The following KIAA0319 variants were observed in gnomAD, a reference collection of about 807,000 sequenced individuals.
The protein encoded by KIAA0319 is dyslexia-associated protein KIAA0319.
A neutral mutation model predicts 108.4 loss-of-function variants in KIAA0319; 83 were observed. The observed-to-expected ratio is 0.77, with a 90% CI of 0.64 to 0.92. The LOEUF (loss-of-function observed/expected upper bound fraction) is 0.92, where lower values mean the gene tolerates loss of function less well. KIAA0319 is among the 40% of genes least tolerant of loss of function. KIAA0319 has a pLI of 0.00. For synonymous variants in KIAA0319, 484 were observed against 510.4 expected (o/e 0.95, Z 0.70); for missense variants, 1,195 against 1,322.4 (o/e 0.90, Z 1.49).
intron 13 of KIAA0319, among the ~76,000 whole-genome samples, chr6:24,567,055 C>T (rs1763995149): frequency 6.6e-6 from 1 of 151,928 alleles, no homozygotes; most frequent in Admixed American, 6.6e-5. Flanking sequence ...ATGATTTTAC[C>T]AACATTTAGG....
At chr6:24,600,022 G>A (rs1221793344) in intron 2 of KIAA0319, among the ~76,000 whole-genome samples, 2 of 79,362 alleles carry the variant, frequency 2.5e-5, no homozygotes, top group African/African-American at 1.0e-4. Context: ...AGCTAGTTCT[G>A]CCAACTGCCC....
Position 24,595,885 on chromosome 6 carries a change from G to A in KIAA0319, c.789C>T (p.Ser263=), listed in dbSNP as rs576387336. 22 of 1,601,104 alleles carry A rather than the reference G, an allele frequency of 1.4e-5. No homozygotes were observed. The highest frequency in any genetic ancestry group is 1.9e-5 in the Non-Finnish European group (22 of 1,173,120). Residue 263 remains serine (S), a synonymous_variant, in exon 3 of 21, where the codon AGC becomes AGT. Coordinates refer to ENST00000378214, the MANE Select transcript of KIAA0319 (RefSeq NM_014809.4). ...ASQLQEQSSN[S]SGKEVLMPSH... is the part of the protein sequence containing the mutation. ...TGAACACACTCACCTCTTTTCCAGAGCTGTTGCTGGATTGTTCCTGGAGCT... is the reference window on the plus strand; with the variant it reads ...TGAACACACTCACCTCTTTTCCAGAACTGTTGCTGGATTGTTCCTGGAGCT...
In KIAA0319 at chr6:24,599,377, G is replaced by A. The variant is rs1436466264; in HGVS notation, c.55+1672C>T. 3 of 541,892 alleles carry A rather than the reference G, an allele frequency of 5.5e-6. No homozygotes were observed. Among genetic ancestry groups the A allele is most frequent in the Non-Finnish European group, 1.1e-5 (3 of 282,516 alleles). 33.6% of individuals were successfully genotyped at this position (541,892 alleles called of 1,614,324 possible). On this transcript the variant is annotated intron_variant, in intron 2 of 20. Coordinates refer to ENST00000378214, the MANE Select transcript of KIAA0319 (RefSeq NM_014809.4). The surrounding 1 kb of genome is among the most constrained non-coding windows in gnomAD (Gnocchi z 4.1). ...ACCATTGTGGATGCGGAGAAGCGTG[G>A]GGAGCTGGCCATTAAGGATGCCAAT... is the stretch of plus-strand genomic sequence containing the variant.
rs368009597 is a variant in KIAA0319, at chr6:24,554,650, A to G, written c.2858-19T>C. The stretch of plus-strand genomic sequence containing the variant: ...CTCCACTCTGAAACACAAGAAAACC[A>G]AAGTGGACATAGTTACAGGCTATTT... On this transcript the variant is annotated intron_variant, in intron 18 of 20. Coordinates refer to ENST00000378214, the MANE Select transcript of KIAA0319 (RefSeq NM_014809.4). 1.8e-5 allele frequency: 28 copies of G among 1,525,354 alleles called. No homozygotes were observed. The African/African-American group carries it at 3.3e-4, about 18-fold the overall frequency. 94.5% of individuals were successfully genotyped at this position (1,525,354 alleles called of 1,614,324 possible).
chr6:24,556,010 C>A (rs1762236019), intron 18 of KIAA0319, among the ~76,000 whole-genome samples: 1 of 152,134 alleles, frequency 6.6e-6, no homozygotes, highest in Non-Finnish European at 1.5e-5. Context: ...TAAACACATC[C>A]CACAAAGTAG....
intron 16 of KIAA0319, among the ~76,000 whole-genome samples, chr6:24,560,224 G>T (rs112421454): frequency 2.6e-5 from 4 of 152,300 alleles, no homozygotes; most frequent in African/African-American, 9.6e-5. Flanking sequence ...ATACCTAGGA[G>T]TGGAATTAAT....
intron 1 of KIAA0319, among the ~76,000 whole-genome samples, chr6:24,612,958 C>A (rs544031690): frequency 4.6e-5 from 7 of 152,132 alleles, no homozygotes; most frequent in Non-Finnish European, 1.5e-5. Flanking sequence ...GCCACCACGC[C>A]CGACTAATTT....
intron 1 of KIAA0319, among the ~76,000 whole-genome samples, chr6:24,624,871 C>G (rs1433387977): frequency 2.0e-5 from 3 of 152,212 alleles, no homozygotes; most frequent in African/African-American, 4.8e-5. Flanking sequence ...TGCGGTGCCA[C>G]ATGATCCTGT....
chr6:24,616,091 C>A (rs553158729), intron 1 of KIAA0319, among the ~76,000 whole-genome samples: 1 of 152,286 alleles, frequency 6.6e-6, no homozygotes, highest in South Asian at 2.1e-4. Flanking sequence ...CCACAGAAGA[C>A]ATTGTTTGTA....
chr6:24,613,341 T>C (rs548101424), intron 1 of KIAA0319, among the ~76,000 whole-genome samples: 3 of 152,184 alleles, frequency 2.0e-5, no homozygotes, highest in Admixed American at 6.5e-5. Context: ...CAGGTAATAA[T>C]TGAATTTCAG....
At chr6:24,576,656 A>T (rs1765580697) in intron 9 of KIAA0319, 60 bp from the exon 10 acceptor site, 1 of 1,346,964 alleles carries the variant, frequency 7.4e-7, no homozygotes, top group African/African-American at 1.4e-5. Context: ...GCAGTGACTC[A>T]CGCCTGTAAT....
chr6:24,542,836 C>T (rs1760253427), downstream of KIAA0319, among the ~76,000 whole-genome samples: 1 of 151,970 alleles, frequency 6.6e-6, no homozygotes, highest in Non-Finnish European at 1.5e-5. Context: ...CTGAACCAGT[C>T]AATCAGAGCT....
chr6:24,573,884 C>A (rs1392427727), intron 10 of KIAA0319, among the ~76,000 whole-genome samples: 6 of 151,806 alleles, frequency 4.0e-5, no homozygotes, highest in Non-Finnish European at 7.4e-5. Flanking sequence ...TGGGAGGCTA[C>A]GGCGGGTGGA....
chr6:24,547,725 C>T (rs547613119), intron 20 of KIAA0319, among the ~76,000 whole-genome samples: 63 of 152,186 alleles, frequency 4.1e-4, no homozygotes, highest in Admixed American at 1.6e-3. Flanking sequence ...TTGTAAGCAT[C>T]CAACAAACGA....
chr6:24,604,424 G>A (rs1458520528), intron 1 of KIAA0319, among the ~76,000 whole-genome samples: 1 of 152,186 alleles, frequency 6.6e-6, no homozygotes, highest in Non-Finnish European at 1.5e-5. Context: ...AGAATCCCAT[G>A]GATACAGATT....
At chr6:24,614,147 G>A (rs185847414) in intron 1 of KIAA0319, among the ~76,000 whole-genome samples, 34 of 152,262 alleles carry the variant, frequency 2.2e-4, no homozygotes, top group African/African-American at 7.7e-4. Flanking sequence ...GATGAATTGC[G>A]AGCATGTTTC....
chr6:24,582,825 G>T (rs1241310836), intron 5 of KIAA0319, among the ~76,000 whole-genome samples: 2 of 152,016 alleles, frequency 1.3e-5, no homozygotes, highest in Admixed American at 6.6e-5. Context: ...TGTTGTAGGG[G>T]TTTATTTAAG....
At chr6:24,550,820 C>G (rs1269361392) in intron 20 of KIAA0319, among the ~76,000 whole-genome samples, 1 of 151,998 alleles carries the variant, frequency 6.6e-6, no homozygotes, top group Non-Finnish European at 1.5e-5. Context: ...GCAGTCTTTG[C>G]CCTGTGGTCA....
chr6:24,547,716 T>C (rs1233621969), intron 20 of KIAA0319, among the ~76,000 whole-genome samples: 1 of 152,258 alleles, frequency 6.6e-6, no homozygotes, highest in Non-Finnish European at 1.5e-5. Context: ...TTTAGTACAT[T>C]GTAAGCATCC....
Sources: allele counts gnomAD v4.1 joint callset (sites outside exome capture counted in the v4.1 genomes callset), GRCh38; gene constraint gnomAD v4.1.1; non-coding constraint Gnocchi (gnomAD v3.1); transcripts MANE v1.5; gene names NCBI Gene and HGNC (gene_info 2026-07-23, HGNC 2026-07-21).